Variants in RCCD1 observed in about 807,000 individuals in gnomAD.
RCCD1 encodes RCC1 domain containing 1, also known as RCC1 domain-containing protein 1.
In RCCD1, 40 loss-of-function variants were observed where a neutral mutation model predicts 37.6. The observed-to-expected ratio is 1.06, with a 90% CI of 0.83 to 1.39. The LOEUF (loss-of-function observed/expected upper bound fraction) is 1.39, where lower values mean the gene tolerates loss of function less well. RCCD1 is among the 40% of genes most tolerant of loss of function. The pLI, the probability that RCCD1 is intolerant of heterozygous loss-of-function variation, is 0.00. For missense variants in RCCD1, 577 were observed against 517.3 expected, an observed-to-expected ratio of 1.12 and a Z score of -1.12; for synonymous variants, 263 against 230.0, an observed-to-expected ratio of 1.14 and a Z score of -1.30.
chr15:90,960,571 A>G, intron 6 of RCCD1, 73 bp downstream of exon 6: 1 of 1,449,354 alleles, frequency 6.9e-7, no homozygotes, highest in Non-Finnish European at 9.3e-7. Context: ...CGACGGAAAA[A>G]CTTCTGTCTT....
intron 1 of RCCD1, 72 bp downstream of exon 1, chr15:90,955,020 C>T (rs527383276): frequency 6.6e-6 from 1 of 152,412 alleles, no homozygotes; most frequent in South Asian, 2.1e-4. Context: ...TAATGAATGT[C>T]CTCTCTGTGG....
Position 90,957,653 on chromosome 15 carries a change from C to G in RCCD1, c.607C>G (p.Leu203Val). The G allele has an allele frequency of 2.5e-6, 4 of 1,614,188 alleles. No individual in the cohort carries two copies. Among genetic ancestry groups the G allele is most frequent in the Non-Finnish European group, 3.4e-6 (4 of 1,180,022 alleles). Residue 203 changes from leucine to valine, a missense_variant, in exon 4 of 8, where the codon CTG becomes GTG. Leu to Val is a conservative substitution (Grantham distance 32, BLOSUM62 1). Transcript: ENST00000394258. ...GTLEAELEPR[L>V]LEALQGLVMA... ...CCTGGAGGCAGAGCTGGAGCCACGG[C>G]TGTTGGAGGCGTTGCAGGGCCTAGT...
At chr15:90,959,040 G>C (rs1489549746) in intron 4 of RCCD1, among the ~76,000 whole-genome samples, 2 of 152,106 alleles carry the variant, frequency 1.3e-5, no homozygotes, top group Non-Finnish European at 2.9e-5. Flanking sequence ...GGTCCAGAAG[G>C]AGTTTGAGGC....
In RCCD1 at chr15:90,962,942, C is replaced by G. The variant is rs2037343054; in HGVS notation, c.*1173C>G. ...AAGGCTCAAAGTGCTTTACAAGTAT[C>G]AACTTATTTTGATAAAATAAGCTTA... is the stretch of plus-strand genomic sequence containing the variant. On this transcript the variant is annotated 3_prime_UTR_variant, in exon 8 of 8. Coordinates refer to ENST00000394258, the MANE Select transcript of RCCD1 (RefSeq NM_001017919.2). 1 of 152,138 alleles carries G rather than the reference C, an allele frequency of 6.6e-6. No individual in the cohort carries two copies. Among genetic ancestry groups the G allele is most frequent in the Non-Finnish European group, 1.5e-5 (1 of 68,028 alleles). The allele number at this position is 152,138 out of a possible 1,614,324, so 9.4% of individuals were successfully genotyped here.
At chr15:90,959,720 T>C in intron 4 of RCCD1, 180 bp from the exon 5 acceptor site, 1 of 485,532 alleles carries the variant, frequency 2.1e-6, no homozygotes, top group Non-Finnish European at 3.7e-6. Context: ...CTGAAGGCAT[T>C]GAGGGGATGT....
In RCCD1 at chr15:90,962,912, C is replaced by T. The variant is rs2037342616; in HGVS notation, c.*1143C>T. The T allele has an allele frequency of 1.3e-5, 2 of 152,116 alleles. No individual in the cohort carries two copies. Among genetic ancestry groups the T allele is most frequent in the Admixed American group, 1.3e-4 (2 of 15,272 alleles). 9.4% of individuals were successfully genotyped at this position (152,116 alleles called of 1,614,324 possible). The stretch of plus-strand genomic sequence containing the variant: ...TACTTAGGTGATGCTTACTCCATGC[C>T]AGGTAAGGCTCAAAGTGCTTTACAA... On this transcript the variant is annotated 3_prime_UTR_variant, in exon 8 of 8. Transcript: ENST00000394258.
intron 6 of RCCD1, 111 bp downstream of exon 6, chr15:90,960,609 C>A: frequency 9.8e-7 from 1 of 1,015,844 alleles, no homozygotes; most frequent in Non-Finnish European, 1.4e-6. Flanking sequence ...TACAGAGCAG[C>A]TACCTTGCTC....
rs1245046653 is a variant in RCCD1 at position 90,957,308 on chromosome 15, G to A, written c.362G>A (p.Gly121Glu). The change falls in exon 3 of 8, where the codon GGG becomes GAG. Residue 121 changes from glycine to glutamate, a missense_variant. Transcript: ENST00000394258. ...CAGAATGTGGTGCCCGAGGCCGAAG[G>A]GGAAGACGATCCGGCCGGTGAGGCC... ...WAQNVVPEAEGEDDPAGEAQA... is the reference protein window; with the variant it reads ...WAQNVVPEAEEEDDPAGEAQA... The A allele has an allele frequency of 4.5e-6, 7 of 1,539,102 alleles. No homozygotes were observed. Among genetic ancestry groups the A allele is most frequent in the Non-Finnish European group, 6.1e-6 (7 of 1,140,790 alleles).
intron 4 of RCCD1, among the ~76,000 whole-genome samples, chr15:90,959,520 C>G (rs1274363684): frequency 6.6e-6 from 1 of 152,202 alleles, no homozygotes; most frequent in South Asian, 2.1e-4. Context: ...CTTTTGAGCT[C>G]AAGTGATCTA....
intron 7 of RCCD1, 48 bp downstream of exon 7, chr15:90,961,102 G>C (rs1441538018): frequency 2.5e-6 from 4 of 1,584,730 alleles, no homozygotes; most frequent in Non-Finnish European, 2.6e-6. Context: ...GGAGAAGAAA[G>C]ACCTGGGAGT....
chr15:90,957,869 T>A, intron 4 of RCCD1, 144 bp downstream of exon 4: 1 of 1,121,012 alleles, frequency 8.9e-7, no homozygotes, highest in Non-Finnish European at 1.3e-6. Context: ...CCTAAATGCC[T>A]CTCACCCTCG....
intron 4 of RCCD1, among the ~76,000 whole-genome samples, chr15:90,958,287 G>A (rs2037243210): frequency 6.6e-6 from 1 of 152,106 alleles, no homozygotes; most frequent in African/African-American, 2.4e-5. Flanking sequence ...TGTGTCTGGG[G>A]CTCTCATTCT....
rs1459081237 is a variant in RCCD1, at chr15:90,957,742, T to C, written c.679+17T>C. On this transcript the variant is annotated intron_variant, in intron 4 of 7. Coordinates refer to ENST00000394258, the MANE Select transcript of RCCD1 (RefSeq NM_001017919.2). ...GTGTGAGTGGTGAGTGACTTAGTGC[T>C]TCTCCAGACGAGCTCATGATCTTGT... The C allele has an allele frequency of 6.3e-7, 1 of 1,589,348 alleles. No homozygotes were observed. Among genetic ancestry groups the C allele is most frequent in the Admixed American group, 1.7e-5 (1 of 57,266 alleles).
At chr15:90,958,627 CAAAAAAAA>C (rs5814447) in intron 4 of RCCD1, among the ~76,000 whole-genome samples, 3 of 75,012 alleles carry the variant, frequency 4.0e-5, no homozygotes, top group African/African-American at 1.0e-4. Context: ...GACTCAGTCT[CAAAAAAAA>C]AAAAAAAAAA....
At chr15:90,957,877 T>C in intron 4 of RCCD1, 152 bp downstream of exon 4, 1 of 1,024,958 alleles carries the variant, frequency 9.8e-7, no homozygotes, top group Non-Finnish European at 1.4e-6. Context: ...CCTCTCACCC[T>C]CGGCCTCCTC....
At position 90,961,909 on chromosome 15, in the gene RCCD1, T is replaced by C; in HGVS notation, c.*140T>C. On this transcript the variant is annotated 3_prime_UTR_variant, in exon 8 of 8. Coordinates refer to ENST00000394258, the MANE Select transcript of RCCD1 (RefSeq NM_001017919.2). ...TTCACCCTCAAGCACGGTCCTAAAC[T>C]TGTCTGCACTTTAGAAACACCTGGA... The C allele has an allele frequency of 1.4e-6, 1 of 709,326 alleles. No homozygotes were observed. The highest frequency in any genetic ancestry group is 2.2e-6 in the Non-Finnish European group (1 of 446,394). 43.9% of individuals were successfully genotyped at this position (709,326 alleles called of 1,614,324 possible).
At chr15:90,961,106 TG>T in intron 7 of RCCD1, 52 bp downstream of exon 7, 2 of 1,570,746 alleles carry the variant, frequency 1.3e-6, no homozygotes, top group Non-Finnish European at 1.7e-6. Flanking sequence ...AAGAAAGACC[TG>T]GGAGTACAGG....
At chr15:90,960,571 A>ACTTC in intron 6 of RCCD1, 73 bp downstream of exon 6, 2 of 1,449,354 alleles carry the variant, frequency 1.4e-6, no homozygotes, top group Non-Finnish European at 1.9e-6. Context: ...CGACGGAAAA[A>ACTTC]CTTCTGTCTT....
intron 2 of RCCD1, 83 bp from the exon 3 acceptor site, chr15:90,957,030 A>T: frequency 7.0e-6 from 9 of 1,291,390 alleles, no homozygotes; most frequent in Non-Finnish European, 8.8e-6. Flanking sequence ...TTGGTCCCCA[A>T]TTCGACCCCT....
Sources: allele counts gnomAD v4.1 joint callset (sites outside exome capture counted in the v4.1 genomes callset), GRCh38; gene constraint gnomAD v4.1.1; transcripts MANE v1.5; gene names NCBI Gene and HGNC (gene_info 2026-07-23, HGNC 2026-07-21).